EMC2: variants seen among roughly 807,000 people sequenced by gnomAD.
EMC2 encodes ER membrane protein complex subunit 2.
EMC2 carries 37 observed loss-of-function variants against 51.6 expected under a neutral mutation model. The observed-to-expected ratio is 0.72, with a 90% CI of 0.55 to 0.94. The LOEUF (loss-of-function observed/expected upper bound fraction) is 0.94, where lower values mean the gene tolerates loss of function less well. Among genes scored for constraint, EMC2 ranks in the 40% least tolerant of loss-of-function variants. The pLI, the probability that EMC2 is intolerant of heterozygous loss-of-function variation, is 0.00. For synonymous variants in EMC2, 131 were observed against 112.4 expected (o/e 1.17, Z -1.04); for missense variants, 359 against 350.9 (o/e 1.02, Z -0.18).
intron 10 of EMC2, among the ~76,000 whole-genome samples, chr8:108,483,804 A>G (rs1811088534): frequency 6.6e-6 from 1 of 152,186 alleles, no homozygotes; most frequent in African/African-American, 2.4e-5. Flanking sequence ...AAAATACAGT[A>G]TTTGTGAATA....
chr8:108,467,960 C>T (rs1455174264), intron 5 of EMC2, among the ~76,000 whole-genome samples: 1 of 152,036 alleles, frequency 6.6e-6, no homozygotes, highest in Non-Finnish European at 1.5e-5. Context: ...TATATTGATG[C>T]TTGAAGATAG....
In EMC2 at chr8:108,455,899, A is replaced by G. The variant is rs756544975; in HGVS notation, c.332A>G (p.Asp111Gly). The change falls in exon 5 of 11, where the codon GAT (aspartate) becomes GGT (glycine). Residue 111 changes from aspartate (D) to glycine (G), a missense_variant. Transcript: ENST00000220853. ...TATGATGATGCTATACAGCTATATG[A>G]TAGGATTTTACAAGAAGATCCAACT... ...ERYDDAIQLY[D>G]RILQEDPTNT... 2.2e-5 allele frequency: 30 copies of G among 1,365,940 alleles called. No homozygotes were observed. In the South Asian group the frequency reaches 3.5e-4, roughly 16 times the overall value. The allele number at this position is 1,365,940 out of a possible 1,614,324, so 84.6% of individuals were successfully genotyped here.
intron 5 of EMC2, among the ~76,000 whole-genome samples, chr8:108,462,241 C>T (rs1240137471): frequency 1.3e-4 from 5 of 38,572 alleles, no homozygotes; most frequent in Admixed American, 1.1e-3. Context: ...ATTCCTCTGA[C>T]AGGGAGAATG....
At chr8:108,485,050 A>C (rs547432714) in intron 10 of EMC2, among the ~76,000 whole-genome samples, 1 of 151,948 alleles carries the variant, frequency 6.6e-6, no homozygotes, top group Admixed American at 6.6e-5. Context: ...ATTCAGCTAC[A>C]GAAACTAATC....
At chr8:108,470,037 C>G in intron 6 of EMC2, 25 bp from the exon 7 acceptor site, 2 of 1,604,280 alleles carry the variant, frequency 1.2e-6, no homozygotes, top group African/African-American at 1.3e-5. Flanking sequence ...TACACACTTA[C>G]TTTTTTTTCT....
chr8:108,443,655 G>A lies in EMC2; in HGVS notation c.-4G>A. 6.2e-7 allele frequency: 1 copy of A among 1,608,790 alleles called. No individual in the cohort carries two copies. The highest frequency in any genetic ancestry group is 8.5e-7 in the Non-Finnish European group (1 of 1,177,438). On this transcript the variant is annotated 5_prime_UTR_variant, in exon 1 of 11. Transcript: ENST00000220853. ...TCACCCCGCTGCCTCTAGGTTCTGG[G>A]AAGATGGCGAAGGTCTCAGAGCTTT...
At chr8:108,474,994 T>C (rs946772804) in intron 7 of EMC2, 1 of 151,970 alleles carries the variant, frequency 6.6e-6, no homozygotes, top group African/African-American at 2.4e-5. Flanking sequence ...TTTAAAAGTA[T>C]ATCAGGCAGT....
intron 10 of EMC2, among the ~76,000 whole-genome samples, chr8:108,481,756 C>T (rs980504957): frequency 1.3e-5 from 2 of 152,054 alleles, no homozygotes; most frequent in Non-Finnish European, 2.9e-5. Context: ...CTTTTGTATT[C>T]CTTAAGAGTA....
chr8:108,460,206 G>A (rs1819283466), intron 5 of EMC2, among the ~76,000 whole-genome samples: 1 of 152,116 alleles, frequency 6.6e-6, no homozygotes, highest in South Asian at 2.1e-4. Flanking sequence ...TTGGAATTAG[G>A]AGTACAATAT....
intron 7 of EMC2, among the ~76,000 whole-genome samples, chr8:108,470,504 G>C (rs1563699200): frequency 6.6e-6 from 1 of 152,122 alleles, no homozygotes; most frequent in Non-Finnish European, 1.5e-5. Context: ...ACTCCCTGCT[G>C]TTTAAAAATT....
chr8:108,448,578 G>A (rs1235027629), intron 1 of EMC2, among the ~76,000 whole-genome samples: 1 of 152,088 alleles, frequency 6.6e-6, no homozygotes, highest in African/African-American at 2.4e-5. Flanking sequence ...TGCCATCCAC[G>A]TAGGATATGA....
Position 108,455,901 on chromosome 8 carries a change from A to G in EMC2, c.334A>G (p.Arg112Gly), listed in dbSNP as rs1432897528. The change falls in exon 5 of 11, where the codon AGG becomes GGG. Residue 112 changes from arginine to glycine, a missense_variant. By Grantham distance (125) the Arg-to-Gly change is moderately radical (BLOSUM62 -2). Coordinates refer to ENST00000220853, the MANE Select transcript of EMC2 (RefSeq NM_014673.5). ...RYDDAIQLYD[R>G]ILQEDPTNTA... ...TGATGATGCTATACAGCTATATGAT[A>G]GGATTTTACAAGAAGATCCAACTAA... 2.9e-6 allele frequency: 4 copies of G among 1,370,154 alleles called. No homozygotes were observed. In the African/African-American group the frequency reaches 4.5e-5, roughly 15 times the overall value. 84.9% of individuals were successfully genotyped at this position (1,370,154 alleles called of 1,614,324 possible).
At chr8:108,445,378 T>C (rs1348352057) in intron 1 of EMC2, among the ~76,000 whole-genome samples, 3 of 152,226 alleles carry the variant, frequency 2.0e-5, no homozygotes, top group Non-Finnish European at 4.4e-5. Flanking sequence ...CTTTGTGAGC[T>C]GCCTATGCTG....
At chr8:108,468,589 CTTTCA>C (rs72390294) in intron 5 of EMC2, among the ~76,000 whole-genome samples, 3,509 of 152,120 alleles carry the variant, frequency 0.023, 51 homozygotes, top group South Asian at 0.045. Flanking sequence ...TAAACTTTCA[CTTTCA>C]TTTCTTCAGA....
intron 6 of EMC2, 46 bp from the exon 7 acceptor site, chr8:108,470,016 T>G: frequency 6.4e-7 from 1 of 1,568,946 alleles, no homozygotes; most frequent in Non-Finnish European, 8.8e-7. Context: ...GCTGTTCATT[T>G]ACAGAATATC....
intron 3 of EMC2, among the ~76,000 whole-genome samples, chr8:108,452,785 T>C (rs1030622437): frequency 6.6e-6 from 1 of 152,160 alleles, no homozygotes; most frequent in Non-Finnish European, 1.5e-5. Context: ...GGAGGAATAA[T>C]ATGATATTAG....
intron 4 of EMC2, among the ~76,000 whole-genome samples, chr8:108,454,884 A>G (rs1274019347): frequency 6.6e-6 from 1 of 152,074 alleles, no homozygotes; most frequent in African/African-American, 2.4e-5. Flanking sequence ...AACACTTTAA[A>G]TATTTCCCTC....
At chr8:108,473,102 A>G (rs1361983305) in intron 7 of EMC2, among the ~76,000 whole-genome samples, 2 of 152,088 alleles carry the variant, frequency 1.3e-5, no homozygotes, top group Non-Finnish European at 2.9e-5. Flanking sequence ...GGGATATAGA[A>G]TTGTGCCATG....
At chr8:108,448,781 C>A (rs1818941369) in intron 1 of EMC2, among the ~76,000 whole-genome samples, 1 of 151,900 alleles carries the variant, frequency 6.6e-6, no homozygotes, top group African/African-American at 2.4e-5. Flanking sequence ...TCTTCTGGGG[C>A]TTTTTGTTTT....
Sources: allele counts gnomAD v4.1 joint callset (sites outside exome capture counted in the v4.1 genomes callset), GRCh38; gene constraint gnomAD v4.1.1; transcripts MANE v1.5; gene names NCBI Gene and HGNC (gene_info 2026-07-23, HGNC 2026-07-21).